CCDC91: variants seen among roughly 807,000 people sequenced by gnomAD.
CCDC91 encodes coiled-coil domain-containing protein 91.
In CCDC91, 48 loss-of-function variants were observed where a neutral mutation model predicts 63.2. That is an observed-to-expected ratio of 0.76 (90% CI 0.60 to 0.97). The LOEUF (loss-of-function observed/expected upper bound fraction) is 0.97. CCDC91 is among the 50% of genes least tolerant of loss of function. The pLI is 0.00. For synonymous variants in CCDC91, 167 were observed against 165.8 expected (o/e 1.01, Z -0.06); for missense variants, 500 against 494.6 (o/e 1.01, Z -0.10).
intron 12 of CCDC91, among the ~76,000 whole-genome samples, chr12:28,514,871 T>TAGAGGGTGGGA (rs1939767513): frequency 6.6e-6 from 1 of 151,612 alleles, no homozygotes; most frequent in African/African-American, 2.4e-5. Context: ...TACTAGAGGG[T>TAGAGGGTGGGA]AGAGGGTGGG....
chr12:28,427,761 G>GT (rs1246805414), intron 8 of CCDC91, among the ~76,000 whole-genome samples: 3 of 152,050 alleles, frequency 2.0e-5, no homozygotes, highest in Non-Finnish European at 4.4e-5. Context: ...AGTTTGTTCC[G>GT]TTTTTTTCTT....
intron 3 of CCDC91, among the ~76,000 whole-genome samples, chr12:28,293,263 G>A (rs1267123885): frequency 6.6e-6 from 1 of 152,080 alleles, no homozygotes; most frequent in Non-Finnish European, 1.5e-5. Flanking sequence ...AATAATCTTC[G>A]TAGCTTAAAT....
chr12:28,442,025 T>C (rs1484567118), intron 8 of CCDC91, among the ~76,000 whole-genome samples: 1 of 152,096 alleles, frequency 6.6e-6, no homozygotes, highest in African/African-American at 2.4e-5. Flanking sequence ...TGATAAAAGA[T>C]TGGCAGAATA....
chr12:28,438,094 AT>A (rs1949003357), intron 8 of CCDC91, among the ~76,000 whole-genome samples: 1 of 152,102 alleles, frequency 6.6e-6, no homozygotes, highest in South Asian at 2.1e-4. Context: ...CAAAAGTACT[AT>A]GTTAATTGTG....
intron 1 of CCDC91, among the ~76,000 whole-genome samples, chr12:28,226,374 C>T: frequency 6.6e-6 from 1 of 152,100 alleles, no homozygotes; most frequent in East Asian, 1.9e-4. Context: ...TCTGTGGATT[C>T]TATTTGTTCC....
At chr12:28,478,339 C>G (rs1350085538) in intron 11 of CCDC91, among the ~76,000 whole-genome samples, 1 of 152,092 alleles carries the variant, frequency 6.6e-6, no homozygotes, top group Admixed American at 6.6e-5. Flanking sequence ...TTTGACAAAC[C>G]TGACAAAGAC....
At chr12:28,490,466 G>A (rs1951940313) in intron 12 of CCDC91, among the ~76,000 whole-genome samples, 1 of 151,674 alleles carries the variant, frequency 6.6e-6, no homozygotes. Context: ...TTCCAAATTT[G>A]TATAATTATA....
chr12:28,395,584 G>A (rs1946240327), intron 8 of CCDC91, among the ~76,000 whole-genome samples: 1 of 152,168 alleles, frequency 6.6e-6, no homozygotes, highest in South Asian at 2.1e-4. Context: ...GGAATGGACA[G>A]ATGGAAGAAA....
At chr12:28,265,142 T>G (rs1339544062) in intron 3 of CCDC91, among the ~76,000 whole-genome samples, 1 of 152,022 alleles carries the variant, frequency 6.6e-6, no homozygotes, top group African/African-American at 2.4e-5. Flanking sequence ...TTTTTATGTT[T>G]AACTGTATAA....
intron 1 of CCDC91, among the ~76,000 whole-genome samples, chr12:28,247,736 A>G (rs1482056151): frequency 6.6e-6 from 1 of 152,180 alleles, no homozygotes; most frequent in African/African-American, 2.4e-5. Flanking sequence ...TATCTGGGAC[A>G]GCGGTCCCGA....
chr12:28,395,406 A>C (rs1189077052), intron 8 of CCDC91, among the ~76,000 whole-genome samples: 1 of 152,208 alleles, frequency 6.6e-6, no homozygotes, highest in African/African-American at 2.4e-5. Context: ...TGCCAGTTGC[A>C]AGTATTAGGT....
intron 12 of CCDC91, among the ~76,000 whole-genome samples, chr12:28,529,686 G>A (rs1436580639): frequency 2.6e-5 from 4 of 152,154 alleles, no homozygotes; most frequent in Non-Finnish European, 5.9e-5. Context: ...AGACACGATA[G>A]GATATATTCT....
chr12:28,290,510 C>G (rs1949181796), intron 3 of CCDC91, among the ~76,000 whole-genome samples: 1 of 152,144 alleles, frequency 6.6e-6, no homozygotes, highest in Non-Finnish European at 1.5e-5. Flanking sequence ...TACATTCAAG[C>G]TTAGTACTGA....
chr12:28,480,260 T>G (rs553267717), intron 11 of CCDC91, among the ~76,000 whole-genome samples: 4 of 151,998 alleles, frequency 2.6e-5, no homozygotes, highest in Non-Finnish European at 5.9e-5. Context: ...AAACCTCAAG[T>G]CAGAGCTCAC....
chr12:28,340,842 G>A (rs941528570), intron 6 of CCDC91, among the ~76,000 whole-genome samples: 15 of 152,156 alleles, frequency 9.9e-5, no homozygotes, highest in Non-Finnish European at 1.9e-4. Context: ...CCTGCCTATG[G>A]CAAGGACAGA....
At position 28,290,440 on chromosome 12, in the gene CCDC91, G is replaced by A. The variant is rs192887179; in HGVS notation, c.110-15209G>A. Among the ~76,000 whole-genome samples, 9 of 152,208 alleles carry A rather than the reference G, an allele frequency of 5.9e-5. No individual in the cohort carries two copies. The East Asian group carries it at 1.7e-3, about 29-fold the overall frequency. On this transcript the variant is annotated intron_variant, in intron 3 of 12. Transcript: ENST00000536442. Reference sequence around the variant, plus strand: ...TCTCTTGAAGGCAGCATACCATTAGGTCTTTGTTCTTTATCCAGCTTGCCA... The same window carrying A: ...TCTCTTGAAGGCAGCATACCATTAGATCTTTGTTCTTTATCCAGCTTGCCA...
At chr12:28,409,425 A>C in intron 8 of CCDC91, among the ~76,000 whole-genome samples, 1 of 152,092 alleles carries the variant, frequency 6.6e-6, no homozygotes, top group East Asian at 1.9e-4. Flanking sequence ...TAGTCTAGAT[A>C]ATTGTAATCT....
intron 1 of CCDC91, among the ~76,000 whole-genome samples, chr12:28,251,776 A>G (rs1430085487): frequency 6.6e-6 from 1 of 152,106 alleles, no homozygotes; most frequent in Non-Finnish European, 1.5e-5. Flanking sequence ...TCTTGAATAC[A>G]TGTCTCAGGA....
At chr12:28,371,279 A>G (rs1199253790) in intron 7 of CCDC91, among the ~76,000 whole-genome samples, 3 of 152,138 alleles carry the variant, frequency 2.0e-5, no homozygotes, top group African/African-American at 7.2e-5. Flanking sequence ...ACCTCAGATC[A>G]GTGGCATTAT....
Sources: allele counts gnomAD v4.1 joint callset (sites outside exome capture counted in the v4.1 genomes callset), GRCh38; gene constraint gnomAD v4.1.1; transcripts MANE v1.5; gene names NCBI Gene and HGNC (gene_info 2026-07-23, HGNC 2026-07-21).